Variants in DOCK2 observed in about 807,000 individuals in gnomAD.
DOCK2 encodes the protein dedicator of cytokinesis protein 2.
In DOCK2, 87 loss-of-function variants were observed where a neutral mutation model predicts 248.9. The ratio of observed to expected loss-of-function variants is 0.35; its 90% CI spans 0.29 to 0.42. The LOEUF is 0.42. Ranked by LOEUF, DOCK2 falls within the 10% of genes least tolerant of loss-of-function variation. The probability of loss-of-function intolerance (pLI) is 1.00; values close to 1 mark genes in which losing one functional copy is unlikely to be tolerated. For synonymous variants in DOCK2, 805 were observed against 821.6 expected (o/e 0.98, Z 0.35); for missense variants, 1,747 against 2,300.2 (o/e 0.76, Z 4.92).
At chr5:169,674,702 A>T (rs756453790) in intron 6 of DOCK2, among the ~76,000 whole-genome samples, 6 of 152,152 alleles carry the variant, frequency 3.9e-5, no homozygotes, top group Non-Finnish European at 8.8e-5. Flanking sequence ...CATTTAACCT[A>T]CTTCCGATGG....
At chr5:170,062,006 T>A (rs1412920231) in intron 44 of DOCK2, among the ~76,000 whole-genome samples, 2 of 152,176 alleles carry the variant, frequency 1.3e-5, no homozygotes, top group African/African-American at 4.8e-5. Context: ...ACATTATGTG[T>A]GTGCATGCAT....
At chr5:169,859,161 T>A (rs1447911958) in intron 27 of DOCK2, among the ~76,000 whole-genome samples, 1 of 152,192 alleles carries the variant, frequency 6.6e-6, no homozygotes, top group Non-Finnish European at 1.5e-5. Flanking sequence ...AGAACTTGGC[T>A]TAGTCTGGCA....
At chr5:169,640,588 G>A (rs1292274479) in intron 1 of DOCK2, among the ~76,000 whole-genome samples, 3 of 152,222 alleles carry the variant, frequency 2.0e-5, no homozygotes, top group Non-Finnish European at 4.4e-5. Flanking sequence ...GTTTAGAGAA[G>A]TAGCAAGTCA....
At chr5:169,992,264 C>A (rs955694469) in intron 29 of DOCK2, among the ~76,000 whole-genome samples, 10 of 152,208 alleles carry the variant, frequency 6.6e-5, no homozygotes, top group Non-Finnish European at 1.5e-4. Flanking sequence ...TGGAGCCTGG[C>A]AGGCAGTTGA....
chr5:169,666,637 G>A (rs945695471), intron 2 of DOCK2, among the ~76,000 whole-genome samples: 6 of 152,204 alleles, frequency 3.9e-5, no homozygotes, highest in Non-Finnish European at 8.8e-5. Flanking sequence ...ACCAACATCA[G>A]TGGTCAGAGA....
chr5:170,061,900 CA>C (rs1757340252), intron 44 of DOCK2, among the ~76,000 whole-genome samples: 2 of 152,194 alleles, frequency 1.3e-5, no homozygotes. Context: ...AGAGCCCCCC[CA>C]GAGTTGGTCT....
intron 27 of DOCK2, among the ~76,000 whole-genome samples, chr5:169,929,741 C>CA (rs1211612989): frequency 0.13 from 8,109 of 62,518 alleles, 487 homozygotes; most frequent in South Asian, 0.17. Context: ...GACCCTGTCT[C>CA]AAAAAAAAAA....
chr5:169,839,796 G>A (rs529219012), intron 26 of DOCK2, among the ~76,000 whole-genome samples: 8 of 152,040 alleles, frequency 5.3e-5, no homozygotes, highest in South Asian at 2.1e-4. Flanking sequence ...CCCTAGTCCC[G>A]GGGCTCCAGA....
intron 27 of DOCK2, chr5:169,934,802 T>G (rs1185070987): frequency 2.3e-6 from 1 of 443,282 alleles, no homozygotes; most frequent in Non-Finnish European, 4.6e-6. Flanking sequence ...TTCATTATTA[T>G]CTGTATGATA....
At chr5:169,648,041 A>AGT (rs992923043) in intron 1 of DOCK2, among the ~76,000 whole-genome samples, 69 of 151,966 alleles carry the variant, frequency 4.5e-4, no homozygotes, top group Middle Eastern at 3.4e-3. Flanking sequence ...CCAACTCTGT[A>AGT]GTGTGTGTGT....
chr5:169,705,070 G>A (rs928015230), intron 14 of DOCK2, among the ~76,000 whole-genome samples: 3 of 152,078 alleles, frequency 2.0e-5, no homozygotes, highest in Non-Finnish European at 2.9e-5. Context: ...GCTGAGGCAC[G>A]AGAATTGCTT....
At chr5:170,031,785 C>T (rs543904744) in intron 34 of DOCK2, among the ~76,000 whole-genome samples, 3 of 152,170 alleles carry the variant, frequency 2.0e-5, no homozygotes, top group South Asian at 2.1e-4. Context: ...GGTTTGAGCA[C>T]CTTTCTTGCT....
chr5:169,943,167 C>A (rs1776309117), intron 27 of DOCK2, among the ~76,000 whole-genome samples: 1 of 152,126 alleles, frequency 6.6e-6, no homozygotes, highest in South Asian at 2.1e-4. Flanking sequence ...TCCTAAAGTA[C>A]CCGTGTGAAG....
At position 169,857,766 on chromosome 5, in the gene DOCK2, G is replaced by A. The variant is rs76061730; in HGVS notation, c.2799+16914G>A. On this transcript the variant is annotated intron_variant, in intron 27 of 51. Transcript: ENST00000520908. Reference sequence around the variant, plus strand: ...AAAAAAAGAAAAAAGAAAATCACACGTACATAAACCAAAACCACAATAATA... The same window carrying A: ...AAAAAAAGAAAAAAGAAAATCACACATACATAAACCAAAACCACAATAATA... Among the ~76,000 whole-genome samples the A allele has an allele frequency of 6.7e-3, 1,010 of 150,902 alleles. 25 individuals carry two copies. The South Asian group carries it at 0.076, about 11-fold the overall frequency.
intron 25 of DOCK2, 143 bp from the exon 26 acceptor site, chr5:169,802,915 A>T: frequency 9.2e-7 from 1 of 1,085,160 alleles, no homozygotes; most frequent in Non-Finnish European, 1.3e-6. Context: ...AGGAAATCTT[A>T]ACCTAATCTT....
Position 169,702,316 on chromosome 5 carries a change from C to T in DOCK2, c.1272C>T (p.Asn424=), listed in dbSNP as rs780068299. The T allele has an allele frequency of 1.4e-5, 23 of 1,613,602 alleles. 1 individual carries two copies. The highest frequency in any genetic ancestry group is 9.3e-5 in the African/African-American group (7 of 74,900). The change falls in exon 14 of 52, where the codon AAC becomes AAT. Residue 424 remains asparagine (N), a synonymous_variant. Transcript: ENST00000520908. The part of the protein sequence containing the change: ...PEIIMPGDVR[N]DIYITLLQGD... ...CCTCTGCCTCAGGGGATGTCAGGAA[C>T]GACATCTACATTACTCTCTTACAAG...
chr5:169,662,818 T>G (rs749668468), intron 2 of DOCK2, among the ~76,000 whole-genome samples: 4 of 152,154 alleles, frequency 2.6e-5, no homozygotes, highest in Non-Finnish European at 4.4e-5. Flanking sequence ...AGATGAGATG[T>G]GGGTGGGGAC....
At chr5:170,060,746 G>A (rs976827237) in intron 44 of DOCK2, among the ~76,000 whole-genome samples, 2 of 152,092 alleles carry the variant, frequency 1.3e-5, no homozygotes, top group African/African-American at 4.8e-5. Context: ...AATATGAAAT[G>A]CTGGGGTGGG....
Position 169,702,421 on chromosome 5 carries a change from G to A in DOCK2, c.1377G>A (p.Thr459=), listed in dbSNP as rs144520292. 6.4e-5 allele frequency: 104 copies of A among 1,613,514 alleles called. No homozygotes were observed. The East Asian group carries it at 9.8e-4, about 15-fold the overall frequency. ...GTGTGTGCGCGGAGGATGGCAAAAC[G>A]CTGCCTGTAAGGGACTCACTGCTGC... is the stretch of plus-strand genomic sequence containing the variant. ...IMCVCAEDGK[T]LPNAICVGAG... Residue 459 remains threonine (T), a synonymous_variant, in exon 14 of 52, where the codon ACG becomes ACA. Coordinates refer to ENST00000520908, the MANE Select transcript of DOCK2 (RefSeq NM_004946.3).
Sources: allele counts gnomAD v4.1 joint callset (sites outside exome capture counted in the v4.1 genomes callset), GRCh38; gene constraint gnomAD v4.1.1; transcripts MANE v1.5; gene names NCBI Gene and HGNC (gene_info 2026-07-23, HGNC 2026-07-21).